The following ANXA13 variants were observed in gnomAD, a reference collection of about 807,000 sequenced individuals.
ANXA13 encodes the protein annexin A13, also known as annexin XIII.
A neutral mutation model predicts 46.6 loss-of-function variants in ANXA13; 36 were observed. That is an observed-to-expected ratio of 0.77 (90% confidence interval 0.59 to 1.02). The LOEUF (loss-of-function observed/expected upper bound fraction) is 1.02, where lower values mean the gene tolerates loss of function less well. ANXA13 is among the 50% of genes least tolerant of loss of function. ANXA13 has a pLI of 0.00. For synonymous variants in ANXA13, 163 were observed against 152.9 expected (o/e 1.07, Z -0.49); for missense variants, 417 against 396.5 (o/e 1.05, Z -0.44).
At chr8:123,706,392 G>A (rs1165890378) in intron 2 of ANXA13, among the ~76,000 whole-genome samples, 2 of 152,206 alleles carry the variant, frequency 1.3e-5, no homozygotes, top group Non-Finnish European at 2.9e-5. Context: ...GATCCTGGCA[G>A]GTGCCAAGCC....
chr8:123,707,797 AG>A lies in ANXA13; in HGVS notation c.91+4880del, dbSNP rs555302186. Among the ~76,000 whole-genome samples the A allele has an allele frequency of 1.9e-4, 29 of 152,248 alleles. No homozygotes were observed. In the East Asian group the frequency reaches 5.4e-3, roughly 28 times the overall value. The stretch of plus-strand genomic sequence containing the variant: ...CACCATGGCATATGTATACCTATGT[AG>A]CAAACCTGAACCTTCTACACATGTA... On this transcript the variant is annotated intron_variant, in intron 2 of 10. Coordinates refer to ENST00000419625, the MANE Select transcript of ANXA13 (RefSeq NM_004306.4).
rs1339781415 is a variant in ANXA13, at chr8:123,690,145, A to G, written c.643-1199T>C. On this transcript the variant is annotated intron_variant, in intron 8 of 10. Transcript: ENST00000419625. This position sits in a 1 kb window ranked among gnomAD's most constrained non-coding sequence, Gnocchi z 4.6. Reference sequence around the variant, plus strand: ...AGTCATTATTTTGGAAGGGATTGGTATCCCTTTCCCAGAAACAAGGTTCTT... The same window carrying G: ...AGTCATTATTTTGGAAGGGATTGGTGTCCCTTTCCCAGAAACAAGGTTCTT... Among the ~76,000 whole-genome samples the G allele has an allele frequency of 6.6e-6, 1 of 152,142 alleles. No individual in the cohort carries two copies. The highest frequency in any genetic ancestry group is 1.5e-5 in the Non-Finnish European group (1 of 68,012).
intron 3 of ANXA13, among the ~76,000 whole-genome samples, chr8:123,702,140 C>T (rs1261777569): frequency 1.3e-5 from 2 of 151,850 alleles, no homozygotes; most frequent in African/African-American, 4.8e-5. Context: ...AATAAGAAAG[C>T]CTAATGCATA....
intron 3 of ANXA13, among the ~76,000 whole-genome samples, chr8:123,702,268 GT>G (rs1372583791): frequency 6.6e-6 from 1 of 151,898 alleles, no homozygotes; most frequent in Admixed American, 6.6e-5. Context: ...TTTTTTGGTA[GT>G]TTTCTGTAAC....
rs1290820797 is a variant in ANXA13, at chr8:123,680,810, A to G, written c.*430T>C. On this transcript the variant is annotated 3_prime_UTR_variant, in exon 11 of 11. Coordinates refer to ENST00000419625, the MANE Select transcript of ANXA13 (RefSeq NM_004306.4). ...AGCAGCTGATAGAGGCATAATCCAC[A>G]ACTTTAATTAACAATGAGGCTTTCA... The G allele has an allele frequency of 6.5e-6, 1 of 154,330 alleles. No individual in the cohort carries two copies. Among genetic ancestry groups the G allele is most frequent in the Non-Finnish European group, 1.4e-5 (1 of 69,464 alleles). 9.6% of individuals were successfully genotyped at this position (154,330 alleles called of 1,614,324 possible).
Position 123,721,011 on chromosome 8 carries a change from C to T in ANXA13, c.16-8258G>A, listed in dbSNP as rs1046003156. 3.9e-5 allele frequency among the ~76,000 whole-genome samples: 6 copies of T among 152,270 alleles called. No individual in the cohort carries two copies. In the South Asian group the frequency reaches 1.2e-3, roughly 32 times the overall value. On this transcript the variant is annotated intron_variant, in intron 1 of 10. Transcript: ENST00000419625. ...ATCTTGCGTAACCAAAACTTTGTAC[C>T]AGTTGAACAGTGCTTCATTTCCCCT...
At chr8:123,724,052 C>G (rs1813936300) in intron 1 of ANXA13, among the ~76,000 whole-genome samples, 1 of 152,146 alleles carries the variant, frequency 6.6e-6, no homozygotes, top group African/African-American at 2.4e-5. Flanking sequence ...GGAAACTTAT[C>G]TGGATAGAAA....
intron 1 of ANXA13, among the ~76,000 whole-genome samples, chr8:123,723,035 A>G (rs1813914662): frequency 1.3e-5 from 2 of 152,226 alleles, no homozygotes; most frequent in Admixed American, 6.5e-5. Flanking sequence ...AAGGTTTCCA[A>G]TATGCTTTCT....
intron 1 of ANXA13, among the ~76,000 whole-genome samples, chr8:123,722,382 G>GAAAGAAAGAAAGA (rs1813899265): frequency 3.2e-5 from 4 of 126,252 alleles, no homozygotes; most frequent in African/African-American, 1.1e-4. Flanking sequence ...AAGAAAGAAA[G>GAAAGAAAGAAAGA]AAAGAAAGAA....
At chr8:123,724,347 T>C (rs528351340) in intron 1 of ANXA13, among the ~76,000 whole-genome samples, 26 of 152,234 alleles carry the variant, frequency 1.7e-4, no homozygotes, top group African/African-American at 5.5e-4. Flanking sequence ...TCAACCCGGA[T>C]TGCACTCAAA....
intron 1 of ANXA13, among the ~76,000 whole-genome samples, chr8:123,718,593 G>A (rs191817790): frequency 6.6e-6 from 1 of 152,314 alleles, no homozygotes; most frequent in East Asian, 1.9e-4. Flanking sequence ...GCACTGCCTG[G>A]TGCATGAACA....
At chr8:123,729,878 T>G (rs1814079056) in intron 1 of ANXA13, among the ~76,000 whole-genome samples, 1 of 152,180 alleles carries the variant, frequency 6.6e-6, no homozygotes. Context: ...GAACTCATAC[T>G]TCGCAAAGAT....
At chr8:123,684,794 T>C in intron 9 of ANXA13, 72 bp from the exon 10 acceptor site, 5 of 1,123,496 alleles carry the variant, frequency 4.5e-6, no homozygotes, top group East Asian at 2.4e-5. Context: ...CCCCCCTAAA[T>C]GTCACCTGGC....
chr8:123,700,333 C>G (rs1813419312), intron 3 of ANXA13, among the ~76,000 whole-genome samples: 1 of 152,240 alleles, frequency 6.6e-6, no homozygotes, highest in Admixed American at 6.5e-5. Context: ...TGCTTACATT[C>G]TGACTGGACA....
chr8:123,722,232 G>A (rs1360721266), intron 1 of ANXA13, among the ~76,000 whole-genome samples: 1 of 151,978 alleles, frequency 6.6e-6, no homozygotes, highest in Non-Finnish European at 1.5e-5. Flanking sequence ...AGAATCACTT[G>A]AGGCCAGGAA....
intron 3 of ANXA13, among the ~76,000 whole-genome samples, chr8:123,699,463 T>A (rs1160450642): frequency 1.3e-5 from 2 of 152,248 alleles, no homozygotes; most frequent in African/African-American, 4.8e-5. Context: ...ATTATAGGCG[T>A]GAGCCACCAT....
Position 123,716,963 on chromosome 8 carries a change from G to A in ANXA13, c.16-4210C>T, listed in dbSNP as rs1327328709. Among the ~76,000 whole-genome samples the A allele has an allele frequency of 2.6e-5, 4 of 152,164 alleles. No homozygotes were observed. In the South Asian group the frequency reaches 8.3e-4, roughly 32 times the overall value. On this transcript the variant is annotated intron_variant, in intron 1 of 10. Coordinates refer to ENST00000419625, the MANE Select transcript of ANXA13 (RefSeq NM_004306.4). ...CTTGTGAGGCTTTAGGAGACCACAC[G>A]GATATTCCATTTGTTTTCAACTAGG...
intron 1 of ANXA13, among the ~76,000 whole-genome samples, 189 bp downstream of exon 1, chr8:123,737,131 G>C (rs1299942623): frequency 6.6e-6 from 1 of 151,878 alleles, no homozygotes; most frequent in Non-Finnish European, 1.5e-5. Flanking sequence ...AAAGTGCTGG[G>C]AGTACAGGTG....
At chr8:123,726,507 G>A (rs1465976309) in intron 1 of ANXA13, among the ~76,000 whole-genome samples, 3 of 152,186 alleles carry the variant, frequency 2.0e-5, no homozygotes, top group Admixed American at 2.0e-4. Flanking sequence ...TAGCCCTTTT[G>A]GGGGCTACAC....
Sources: allele counts gnomAD v4.1 joint callset (sites outside exome capture counted in the v4.1 genomes callset), GRCh38; gene constraint gnomAD v4.1.1; non-coding constraint Gnocchi (gnomAD v3.1); transcripts MANE v1.5; gene names NCBI Gene and HGNC (gene_info 2026-07-23, HGNC 2026-07-21).